The following VPS13C variants were observed in gnomAD, a reference collection of about 807,000 sequenced individuals.
VPS13C encodes vacuolar protein sorting 13 homolog C.
Under a neutral mutation model 456.8 loss-of-function variants are expected in VPS13C, and 358 were observed. That is an observed-to-expected ratio of 0.78 (90% CI 0.72 to 0.86). VPS13C has a LOEUF of 0.86. Among genes scored for constraint, VPS13C ranks in the 40% least tolerant of loss-of-function variants. The pLI is 0.00. For synonymous variants in VPS13C, 1,578 were observed against 1,486.7 expected (o/e 1.06, Z -1.41); for missense variants, 4,818 against 4,385.4 (o/e 1.10, Z -2.79).
chr15:62,032,111 T>C (rs940444150), intron 5 of VPS13C, among the ~76,000 whole-genome samples: 3 of 151,844 alleles, frequency 2.0e-5, no homozygotes, highest in Non-Finnish European at 4.4e-5. Context: ...TATACATCAA[T>C]ATACCTAATG....
intron 11 of VPS13C, among the ~76,000 whole-genome samples, chr15:62,012,488 G>C (rs1174583404): frequency 6.6e-6 from 1 of 151,860 alleles, no homozygotes; most frequent in African/African-American, 2.4e-5. Context: ...CAAATCATAT[G>C]TTACAGTATC....
intron 16 of VPS13C, among the ~76,000 whole-genome samples, chr15:61,999,314 A>T (rs942693881): frequency 1.3e-5 from 2 of 151,710 alleles, no homozygotes; most frequent in South Asian, 4.2e-4. Flanking sequence ...TGGGAGGTAG[A>T]GGTTGCAGTG....
At chr15:61,989,531 C>G (rs1287424100) in intron 18 of VPS13C, among the ~76,000 whole-genome samples, 9 of 151,992 alleles carry the variant, frequency 5.9e-5, no homozygotes. Context: ...GGCCTCATAT[C>G]CAGAATATAT....
intron 16 of VPS13C, among the ~76,000 whole-genome samples, chr15:61,993,927 C>T (rs2046299112): frequency 6.6e-6 from 1 of 151,868 alleles, no homozygotes; most frequent in African/African-American, 2.4e-5. Flanking sequence ...ACTATCTTTG[C>T]TACTTATTGT....
In VPS13C at chr15:61,913,370, A is replaced by G. The variant is rs759346255; in HGVS notation, c.8491T>C (p.Leu2831=). 4 of 1,614,106 alleles carry G rather than the reference A, an allele frequency of 2.5e-6. No individual in the cohort carries two copies. The highest frequency in any genetic ancestry group is 1.7e-5 in the Admixed American group (1 of 60,024). Residue 2831 remains leucine (L), a synonymous_variant, in exon 62 of 85, where the codon TTG becomes CTG. Transcript: ENST00000644861. ...CACCCATAACTTCCCACTGTATCCA[A>G]TGAGAAACTACTGGACCAGGCACTG... ...STSAWSSSFS[L]DTVGSYGCVK...
At chr15:61,879,576 G>C (rs1386378684) in intron 73 of VPS13C, 1 of 152,032 alleles carries the variant, frequency 6.6e-6, no homozygotes, top group African/African-American at 2.4e-5. Flanking sequence ...TTTGCCATTA[G>C]ACTTCATGGC....
intron 57 of VPS13C, 105 bp downstream of exon 57, chr15:61,919,962 T>C (rs2043596457): frequency 1.8e-6 from 2 of 1,131,876 alleles, no homozygotes; most frequent in South Asian, 2.7e-5. Context: ...TTTCAAATGT[T>C]GTATCTCCAG....
At position 61,961,874 on chromosome 15, in the gene VPS13C, T is replaced by C. The variant is rs377364629; in HGVS notation, c.3623A>G (p.Gln1208Arg). 24 of 1,611,566 alleles carry C rather than the reference T, an allele frequency of 1.5e-5. No individual in the cohort carries two copies. The highest frequency in any genetic ancestry group is 2.2e-5 in the East Asian group (1 of 44,848). ...AGCACTCAGAGACTCTTTGGCTGTC[T>C]GGAAATTATTCAGGAAGTTCTGTGG... ...MSLLNFLNNFQTAKESLSAAT... is the reference protein window; with the variant it reads ...MSLLNFLNNFRTAKESLSAAT... Residue 1208 changes from glutamine (Q) to arginine (R), a missense_variant, in exon 35 of 85, where the codon CAG becomes CGG. This residue lies in a region of VPS13C where 4,552 missense variants were observed against 4,130.6 expected (regional missense o/e 1.10). Coordinates refer to ENST00000644861, the MANE Select transcript of VPS13C (RefSeq NM_020821.3).
intron 18 of VPS13C, among the ~76,000 whole-genome samples, chr15:61,988,808 G>T (rs1181192839): frequency 6.6e-6 from 1 of 152,108 alleles, no homozygotes; most frequent in African/African-American, 2.4e-5. Flanking sequence ...GGTAAATGGA[G>T]AGCAGTGGCA....
At chr15:62,015,962 A>AAAAAAAAAAAAAAAAAAAAAAAATCCC (rs2047230917) in intron 9 of VPS13C, among the ~76,000 whole-genome samples, 1 of 27,298 alleles carries the variant, frequency 3.7e-5, no homozygotes, top group African/African-American at 1.1e-4. Flanking sequence ...AAGAAGTCCA[A>AAAAAAAAAAAAAAAAAAAAAAAATCCC]AAAAAAAAAA....
At chr15:61,958,482 G>T in intron 37 of VPS13C, 126 bp downstream of exon 37, 1 of 589,416 alleles carries the variant, frequency 1.7e-6, no homozygotes, top group Non-Finnish European at 3.0e-6. Flanking sequence ...CATCTTGTTT[G>T]TTTACTCGGT....
chr15:61,951,539 T>C (rs1204728809), intron 39 of VPS13C, among the ~76,000 whole-genome samples: 1 of 152,134 alleles, frequency 6.6e-6, no homozygotes, highest in East Asian at 1.9e-4. Context: ...TTGTATTTGA[T>C]TTTCATTTTT....
rs769958543 is a variant in VPS13C at position 61,941,783 on chromosome 15, G to A, written c.5433C>T (p.Leu1811=). The change falls in exon 46 of 85, where the codon CTC becomes CTT. Residue 1811 remains leucine, a synonymous_variant. Coordinates refer to ENST00000644861, the MANE Select transcript of VPS13C (RefSeq NM_020821.3). ...PPVIDKMNIE[L]TQLKLSRTIL... is the part of the protein sequence containing the mutation. The stretch of plus-strand genomic sequence containing the variant: ...TATACCTTGACAGCTTCAACTGAGT[G>A]AGTTCGATGTTCATTTTATCAATGA... The A allele has an allele frequency of 1.2e-6, 2 of 1,611,912 alleles. No individual in the cohort carries two copies. The highest frequency in any genetic ancestry group is 2.2e-5 in the East Asian group (1 of 44,828).
intron 58 of VPS13C, among the ~76,000 whole-genome samples, chr15:61,919,086 G>C (rs1332501364): frequency 6.6e-6 from 1 of 152,014 alleles, no homozygotes; most frequent in Non-Finnish European, 1.5e-5. Context: ...CAAAACTACA[G>C]ACATTTAAAA....
chr15:62,030,533 A>G (rs1016750066), intron 5 of VPS13C, among the ~76,000 whole-genome samples: 3 of 152,154 alleles, frequency 2.0e-5, no homozygotes, highest in Non-Finnish European at 2.9e-5. Flanking sequence ...TCTTTTCTTC[A>G]TAAATTACCC....
chr15:61,962,698 G>A (rs1567051396), intron 33 of VPS13C, 51 bp downstream of exon 33: 12 of 1,379,214 alleles, frequency 8.7e-6, no homozygotes, highest in Non-Finnish European at 1.2e-5. Flanking sequence ...TACAATAGAA[G>A]CTCATATTCA....
intron 52 of VPS13C, 50 bp from the exon 53 acceptor site, chr15:61,925,598 T>C (rs777751845): frequency 3.2e-6 from 4 of 1,236,830 alleles, no homozygotes; most frequent in African/African-American, 3.1e-5. Context: ...ATTATATACA[T>C]AACACACACT....
chr15:61,995,483 T>C (rs1377554328), intron 16 of VPS13C, among the ~76,000 whole-genome samples: 1 of 152,186 alleles, frequency 6.6e-6, no homozygotes, highest in Admixed American at 6.5e-5. Context: ...GGTAATAAAA[T>C]ATACTTGATT....
At chr15:61,908,424 C>T (rs546849267) in intron 65 of VPS13C, among the ~76,000 whole-genome samples, 1 of 151,594 alleles carries the variant, frequency 6.6e-6, no homozygotes, top group Admixed American at 6.6e-5. Flanking sequence ...AAATTCTCTA[C>T]CATTAAATAA....
Sources: allele counts gnomAD v4.1 joint callset (sites outside exome capture counted in the v4.1 genomes callset), GRCh38; gene constraint gnomAD v4.1.1; regional missense constraint gnomAD v4.1.1; transcripts MANE v1.5; gene names NCBI Gene and HGNC (gene_info 2026-07-23, HGNC 2026-07-21).